XPO6: variants seen among roughly 807,000 people sequenced by gnomAD.
XPO6 encodes exportin-6.
In XPO6, 3 loss-of-function variants were observed where a neutral mutation model predicts 130.0. The ratio of observed to expected loss-of-function variants is 0.02; its 90% CI spans 0.01 to 0.06. The LOEUF (loss-of-function observed/expected upper bound fraction) is 0.06, where lower values mean the gene tolerates loss of function less well. XPO6 is among the 10% of genes least tolerant of loss of function. The pLI is 1.00. For synonymous variants in XPO6, 524 were observed against 548.9 expected (o/e 0.95, Z 0.63); for missense variants, 970 against 1,393.0 (o/e 0.70, Z 4.83).
At position 28,135,243 on chromosome 16, in the gene XPO6, C is replaced by T. The variant is rs749553662; in HGVS notation, c.1416G>A (p.Glu472=). Reference sequence around the variant, plus strand: ...CGTCATCCAGAGTCTCATCATCCAACTCCTCCAGCTGGGCTTGGTTGTATC... The same window carrying T: ...CGTCATCCAGAGTCTCATCATCCAATTCCTCCAGCTGGGCTTGGTTGTATC... ...QFRYNQAQLE[E]LDDETLDDDQ... The change falls in exon 10 of 24, where the codon GAG becomes GAA. Residue 472 remains glutamate, a synonymous_variant. Transcript: ENST00000304658. The T allele has an allele frequency of 5.0e-6, 8 of 1,613,784 alleles. No homozygotes were observed. Among genetic ancestry groups the T allele is most frequent in the Non-Finnish European group, 6.8e-6 (8 of 1,179,890 alleles).
At chr16:28,114,588 C>A (rs1754848772) in intron 15 of XPO6, among the ~76,000 whole-genome samples, 1 of 152,200 alleles carries the variant, frequency 6.6e-6, no homozygotes, top group South Asian at 2.1e-4. Context: ...ATCATCTGAG[C>A]CTTCAGAGCG....
Position 28,106,541 on chromosome 16 carries a change from G to T in XPO6, c.2498-44C>A. On this transcript the variant is annotated intron_variant, in intron 18 of 23. Transcript: ENST00000304658. The surrounding 1 kb of genome is among the most constrained non-coding windows in gnomAD (Gnocchi z 4.2). ...ATATCGTCAGAGGCTTGCACACAGT[G>T]AGAACCAGAACCCTGGGCTTCATCA... The T allele has an allele frequency of 6.6e-7, 1 of 1,519,304 alleles. No homozygotes were observed. The highest frequency in any genetic ancestry group is 1.1e-5 in the South Asian group (1 of 89,072). The allele number at this position is 1,519,304 out of a possible 1,614,324, so 94.1% of individuals were successfully genotyped here. A position where few individuals can be genotyped will look rare whatever the true frequency, so the allele number is the denominator to read the frequency against.
chr16:28,210,675 T>C (rs544196702), intron 1 of XPO6, among the ~76,000 whole-genome samples: 2 of 151,950 alleles, frequency 1.3e-5, no homozygotes, highest in East Asian at 1.9e-4. Flanking sequence ...TAGGGGAGTA[T>C]TGAAAGTATC....
rs2086655751 is a variant in XPO6 at position 28,101,526 on chromosome 16, G to C, written c.3208C>G (p.Leu1070Val). Reference protein sequence around the residue: ...GFFAAFLPEFLTSCDGVDANQ... With the variant: ...GFFAAFLPEFVTSCDGVDANQ... ...GCATCCACACCATCACAGCTGGTCA[G>C]GAACTCTGGGAGGAAGGCGGCAAAG... Residue 1070 changes from leucine to valine, a missense_variant, in exon 23 of 24, where the codon CTG (leucine) becomes GTG (valine). This residue lies in a region of XPO6 where 936 missense variants were observed against 1,306.8 expected (regional missense o/e 0.72). Transcript: ENST00000304658. This position sits in a 1 kb window ranked among gnomAD's most constrained non-coding sequence, Gnocchi z 5.4. The C allele has an allele frequency of 6.2e-7, 1 of 1,614,256 alleles. No individual in the cohort carries two copies. Among genetic ancestry groups the C allele is most frequent in the East Asian group, 2.2e-5 (1 of 44,880 alleles).
intron 17 of XPO6, 149 bp downstream of exon 17, chr16:28,111,668 A>AC: frequency 1.3e-6 from 1 of 755,314 alleles, no homozygotes; most frequent in Non-Finnish European, 2.0e-6. Flanking sequence ...GCAGGATCCC[A>AC]CCCCCAAGTA....
intron 21 of XPO6, among the ~76,000 whole-genome samples, chr16:28,103,594 G>A (rs1016992102): frequency 2.6e-5 from 4 of 152,194 alleles, no homozygotes; most frequent in Non-Finnish European, 4.4e-5. Flanking sequence ...CCTTTCACCA[G>A]CCCTCAGTGG....
intron 9 of XPO6, among the ~76,000 whole-genome samples, chr16:28,144,859 T>A (rs1165480664): frequency 6.6e-6 from 1 of 152,196 alleles, no homozygotes; most frequent in African/African-American, 2.4e-5. Flanking sequence ...CTAAGTACCT[T>A]ACCCAAGTAC....
rs145259781 is a variant in XPO6, at chr16:28,135,164, T to C, written c.1443+52A>G. On this transcript the variant is annotated intron_variant, in intron 10 of 23. Coordinates refer to ENST00000304658, the MANE Select transcript of XPO6 (RefSeq NM_015171.4). ...TCTGGGTTCCAGGTCCCCATTCTGA[T>C]TGATGTCACAACATGACAGCGACAA... is the stretch of plus-strand genomic sequence containing the variant. 1,371 of 1,485,528 alleles carry C rather than the reference T, an allele frequency of 9.2e-4. 13 individuals carry two copies. The African/African-American group carries it at 0.017, about 18-fold the overall frequency. The allele number at this position is 1,485,528 out of a possible 1,614,324, so 92.0% of individuals were successfully genotyped here. A position where few individuals can be genotyped will look rare whatever the true frequency, so the allele number is the denominator to read the frequency against.
At chr16:28,108,371 G>C (rs2086832292) in intron 17 of XPO6, among the ~76,000 whole-genome samples, 1 of 152,196 alleles carries the variant, frequency 6.6e-6, no homozygotes, top group Non-Finnish European at 1.5e-5. Flanking sequence ...AGAGGTCAGA[G>C]AGCCCTGGCT....
intron 17 of XPO6, 88 bp from the exon 18 acceptor site, chr16:28,107,765 A>G: frequency 1.4e-6 from 2 of 1,451,166 alleles, no homozygotes; most frequent in South Asian, 2.4e-5. Context: ...GGAAACTTGC[A>G]AAGGTACCAA....
rs925965641 is a variant in XPO6 at position 28,153,875 on chromosome 16, C to G, written c.1098-1090G>C. 433 of 985,252 alleles carry G rather than the reference C, an allele frequency of 4.4e-4. 1 individual carries two copies. The highest frequency in any genetic ancestry group is 5.1e-4 in the Non-Finnish European group (427 of 829,930). The allele number at this position is 985,252 out of a possible 1,614,324, so 61.0% of individuals were successfully genotyped here. On this transcript the variant is annotated intron_variant, in intron 7 of 23. Transcript: ENST00000304658. ...ACTACTCAGAAAAGCAAAACTGGCC[C>G]GGAAATAAAATGTCCCATGTTGCTC... is the stretch of plus-strand genomic sequence containing the variant.
chr16:28,168,281 T>TA (rs757746959), intron 5 of XPO6, among the ~76,000 whole-genome samples: 31 of 152,164 alleles, frequency 2.0e-4, no homozygotes, highest in Non-Finnish European at 4.0e-4. Flanking sequence ...GCCTAAGAGT[T>TA]AGAGACTAGC....
In XPO6 at chr16:28,194,229, T is replaced by A. The variant is rs572419698; in HGVS notation, c.4-13198A>T. 4.6e-5 allele frequency among the ~76,000 whole-genome samples: 7 copies of A among 150,900 alleles called. No homozygotes were observed. The South Asian group carries it at 1.5e-3, about 32-fold the overall frequency. Reference sequence around the variant, plus strand: ...TATTTCACTGGTGAGTCAATGAGCTTAAAAAAAAAGGAACAAAATAAAAAT... The same window carrying A: ...TATTTCACTGGTGAGTCAATGAGCTAAAAAAAAAAGGAACAAAATAAAAAT... On this transcript the variant is annotated intron_variant, in intron 1 of 23. Transcript: ENST00000304658.
intron 17 of XPO6, 37 bp downstream of exon 17, chr16:28,111,780 C>A: frequency 6.2e-7 from 1 of 1,603,170 alleles, no homozygotes; most frequent in Admixed American, 1.7e-5. Context: ...GCCTGCCTAC[C>A]TCCTTCCCCA....
intron 5 of XPO6, chr16:28,167,381 G>GCCTC: frequency 1.0e-6 from 1 of 985,322 alleles, no homozygotes; most frequent in African/African-American, 1.7e-5. Flanking sequence ...ACCTCATCTA[G>GCCTC]CCTCACCTGA....
intron 1 of XPO6, among the ~76,000 whole-genome samples, chr16:28,209,949 G>C (rs1013351758): frequency 9.2e-5 from 14 of 151,962 alleles, no homozygotes; most frequent in African/African-American, 3.4e-4. Flanking sequence ...CCAGCCTGGG[G>C]AACGTGGTGA....
intron 1 of XPO6, among the ~76,000 whole-genome samples, chr16:28,200,799 T>G (rs957674088): frequency 3.3e-5 from 5 of 152,124 alleles, no homozygotes; most frequent in African/African-American, 1.2e-4. Context: ...AGCGTCCTTA[T>G]CTTCCTCAAC....
intron 12 of XPO6, among the ~76,000 whole-genome samples, chr16:28,128,429 C>T (rs1596831073): frequency 6.6e-6 from 1 of 152,146 alleles, no homozygotes. Context: ...ACCTCCACCT[C>T]CCCCCAGGCT....
chr16:28,204,883 T>A (rs1046955931), intron 1 of XPO6, among the ~76,000 whole-genome samples: 2 of 152,152 alleles, frequency 1.3e-5, no homozygotes, highest in Non-Finnish European at 2.9e-5. Flanking sequence ...GCAACACTTA[T>A]CACCTTGATA....
Sources: gnomAD v4.1 joint callset for allele counts (sites outside exome capture counted in the v4.1 genomes callset) on GRCh38, gnomAD v4.1.1 for gene constraint, gnomAD v4.1.1 regional missense constraint, Gnocchi (gnomAD v3.1) non-coding constraint, MANE v1.5 for transcripts, NCBI Gene and HGNC (gene_info 2026-07-23, HGNC 2026-07-21) for gene names.